The following DAB1 variants were observed in gnomAD, a reference collection of about 807,000 sequenced individuals.
DAB1 encodes DAB adaptor protein 1.
Under a neutral mutation model 64.6 loss-of-function variants are expected in DAB1, and 15 were observed. The ratio of observed to expected loss-of-function variants is 0.23; its 90% CI spans 0.16 to 0.36. The LOEUF is 0.36. Among genes scored for constraint, DAB1 ranks in the 10% least tolerant of loss-of-function variants. DAB1 has a pLI of 1.00. For missense variants in DAB1, 596 were observed against 706.7 expected, an observed-to-expected ratio of 0.84 and a Z score of 1.78; for synonymous variants, 235 against 251.9, an observed-to-expected ratio of 0.93 and a Z score of 0.64.
intron 4 of DAB1, among the ~76,000 whole-genome samples, chr1:57,115,631 T>C (rs750685034): frequency 6.6e-6 from 1 of 152,152 alleles, no homozygotes; most frequent in African/African-American, 2.4e-5. Flanking sequence ...GTATTGCATG[T>C]CACAGTTCTA....
chr1:57,874,842 G>A (rs1644016370), intron 1 of DAB1, among the ~76,000 whole-genome samples: 1 of 152,164 alleles, frequency 6.6e-6, no homozygotes, highest in Non-Finnish European at 1.5e-5. Context: ...GCAAGCTGAA[G>A]AGAGTGCAGG....
chr1:58,214,328 C>T (rs1658728606), intron 4 of DAB1, among the ~76,000 whole-genome samples: 2 of 152,148 alleles, frequency 1.3e-5, no homozygotes, highest in African/African-American at 2.4e-5. Context: ...TCACATATTA[C>T]CCTATTCAAA....
intron 7 of DAB1, among the ~76,000 whole-genome samples, chr1:57,538,364 C>G (rs1644755960): frequency 1.3e-5 from 2 of 152,140 alleles, no homozygotes; most frequent in Admixed American, 1.3e-4. Context: ...GACTCAAGTT[C>G]CTCATCACAT....
At chr1:57,493,248 T>C (rs1644186913) in intron 7 of DAB1, among the ~76,000 whole-genome samples, 1 of 152,148 alleles carries the variant, frequency 6.6e-6, no homozygotes, top group South Asian at 2.1e-4. Flanking sequence ...ATTATCACCA[T>C]CCATCTCCAG....
intron 7 of DAB1, among the ~76,000 whole-genome samples, chr1:57,591,472 T>C (rs936442627): frequency 3.3e-5 from 5 of 152,178 alleles, no homozygotes; most frequent in African/African-American, 9.7e-5. Context: ...CCCAAATCAA[T>C]GTCATTTTAG....
chr1:57,150,079 T>C (rs995827880), intron 2 of DAB1, among the ~76,000 whole-genome samples: 2 of 152,172 alleles, frequency 1.3e-5, no homozygotes, highest in Non-Finnish European at 2.9e-5. Context: ...TCAGAGGACC[T>C]GAGTTCAAGC....
intron 7 of DAB1, among the ~76,000 whole-genome samples, chr1:57,602,378 T>A (rs539176010): frequency 6.6e-6 from 1 of 152,318 alleles, no homozygotes; most frequent in East Asian, 1.9e-4. Context: ...TATTTCTCTG[T>A]TCTTGTCCTG....
At chr1:57,085,662 C>T (rs1036343725) in intron 4 of DAB1, among the ~76,000 whole-genome samples, 1 of 152,140 alleles carries the variant, frequency 6.6e-6, no homozygotes, top group African/African-American at 2.4e-5. Context: ...TCTAATGATC[C>T]CTTCATGTGT....
At chr1:57,512,859 CCACA>C (rs1442322681) in intron 7 of DAB1, among the ~76,000 whole-genome samples, 4 of 152,076 alleles carry the variant, frequency 2.6e-5, no homozygotes, top group Non-Finnish European at 5.9e-5. Flanking sequence ...AGGAAGGAGC[CCACA>C]GGCTCCTGCC....
chr1:57,613,389 G>A (rs115935102), intron 7 of DAB1, among the ~76,000 whole-genome samples: 1,598 of 152,246 alleles, frequency 0.01, 24 homozygotes, highest in African/African-American at 0.037. Context: ...AGAAGGCCTT[G>A]AGCCTCACTC....
intron 6 of DAB1, among the ~76,000 whole-genome samples, chr1:57,655,679 T>C (rs1250076527): frequency 6.6e-6 from 1 of 151,994 alleles, no homozygotes. Flanking sequence ...CGGAGAAACA[T>C]GAAACAGGGA....
At position 57,737,587 on chromosome 1, in the gene DAB1, G is replaced by A. The variant is rs540969242; in HGVS notation, n.552-87922C>T. On this transcript the variant is annotated intron_variant and non_coding_transcript_variant, in intron 6 of 20. Coordinates refer to the DAB1 transcript ENST00000485760. ...TAAGTGCTGTGTTAAGCATCACCTC[G>A]TATTATTCTTCATGGGATACAATAG... Among the ~76,000 whole-genome samples, 143 of 152,250 alleles carry A rather than the reference G, an allele frequency of 9.4e-4. 1 individual carries two copies. Among genetic ancestry groups the A allele is most frequent in the Non-Finnish European group, 1.0e-3 (68 of 68,012 alleles).
intron 5 of DAB1, among the ~76,000 whole-genome samples, chr1:57,915,567 T>C (rs999330167): frequency 6.6e-6 from 1 of 151,690 alleles, no homozygotes; most frequent in African/African-American, 2.4e-5. Flanking sequence ...TGCTTTCAAT[T>C]CCCCCCCAGC....
In DAB1 at chr1:58,082,808, G is replaced by T. The variant is rs572074872; in HGVS notation, n.387+67703C>A. Among the ~76,000 whole-genome samples, 60 of 152,140 alleles carry T rather than the reference G, an allele frequency of 3.9e-4. 1 individual carries two copies. The Middle Eastern group carries it at 0.01, about 26-fold the overall frequency. ...AGGGGACAGGACACAGCAGACAGGT[G>T]GGGGGGAGGGGTGGCCACCAGGAGT... On this transcript the variant is annotated intron_variant and non_coding_transcript_variant, in intron 5 of 20. Coordinates refer to the DAB1 transcript ENST00000485760.
chr1:57,966,296 T>C (rs1428621436), intron 5 of DAB1, among the ~76,000 whole-genome samples: 4 of 152,086 alleles, frequency 2.6e-5, no homozygotes, highest in Non-Finnish European at 5.9e-5. Context: ...CTTGCACTTG[T>C]TTTGGCCATT....
At chr1:57,622,729 C>T (rs1007266123) in intron 7 of DAB1, among the ~76,000 whole-genome samples, 2 of 152,182 alleles carry the variant, frequency 1.3e-5, no homozygotes, top group African/African-American at 2.4e-5. Flanking sequence ...GCTGCTCCAT[C>T]GCTGCCTTTG....
intron 2 of DAB1, among the ~76,000 whole-genome samples, chr1:57,172,034 T>C (rs956312291): frequency 5.9e-5 from 9 of 152,102 alleles, no homozygotes; most frequent in Non-Finnish European, 5.9e-5. Context: ...CCCTAGCTTC[T>C]GATGGGTAGC....
chr1:57,189,024 G>C (rs1663873368), intron 2 of DAB1, among the ~76,000 whole-genome samples: 1 of 152,102 alleles, frequency 6.6e-6, no homozygotes, highest in Non-Finnish European at 1.5e-5. Flanking sequence ...TAAGGGTGGG[G>C]AGTAGAAATT....
At chr1:57,191,150 A>G (rs1186155120) in intron 2 of DAB1, among the ~76,000 whole-genome samples, 1 of 152,220 alleles carries the variant, frequency 6.6e-6, no homozygotes, top group African/African-American at 2.4e-5. Context: ...GGTAAATACA[A>G]GCTAATGAGA....
Sources: gnomAD v4.1 joint callset for allele counts (sites outside exome capture counted in the v4.1 genomes callset) on GRCh38, gnomAD v4.1.1 for gene constraint, MANE v1.5 for transcripts, NCBI Gene and HGNC (gene_info 2026-07-23, HGNC 2026-07-21) for gene names.